Variants in RFX3 observed in about 807,000 individuals in gnomAD.
The protein encoded by RFX3 is regulatory factor X3, also known as transcription factor RFX3.
Under a neutral mutation model 98.6 loss-of-function variants are expected in RFX3, and 14 were observed. The observed-to-expected ratio is 0.14, with a 90% CI of 0.09 to 0.22. RFX3 has a LOEUF of 0.22. RFX3 is among the 10% of genes least tolerant of loss of function. The pLI is 1.00. For synonymous variants in RFX3, 383 were observed against 328.4 expected (o/e 1.17, Z -1.80); for missense variants, 639 against 926.9 (o/e 0.69, Z 4.03).
intron 2 of RFX3, among the ~76,000 whole-genome samples, chr9:3,353,867 G>A (rs2920385): frequency 0.033 from 5,008 of 152,048 alleles, 292 homozygotes; most frequent in African/African-American, 0.11. Flanking sequence ...AACAGACCTT[G>A]AAATGATAGA....
chr9:3,495,516 TTAA>T (rs1456393271), intron 1 of RFX3, among the ~76,000 whole-genome samples: 1 of 152,092 alleles, frequency 6.6e-6, no homozygotes, highest in African/African-American at 2.4e-5. Flanking sequence ...ATTAAATGGC[TTAA>T]TAATATGCAC....
intron 1 of RFX3, among the ~76,000 whole-genome samples, chr9:3,474,262 T>G (rs1465168699): frequency 2.0e-5 from 3 of 152,172 alleles, no homozygotes; most frequent in African/African-American, 7.2e-5. Context: ...ACAAAAACAG[T>G]CTATTTATAC....
At chr9:3,512,536 T>C (rs558156365) in intron 1 of RFX3, among the ~76,000 whole-genome samples, 12 of 151,904 alleles carry the variant, frequency 7.9e-5, no homozygotes, top group Non-Finnish European at 1.3e-4. Flanking sequence ...TATATTAATA[T>C]ATTACCTTGT....
intron 1 of RFX3, among the ~76,000 whole-genome samples, chr9:3,429,400 T>C (rs1844437482): frequency 6.7e-6 from 1 of 149,382 alleles, no homozygotes; most frequent in African/African-American, 2.4e-5. Context: ...TATATACCAA[T>C]ACTATATATA....
rs182500892 is a variant in RFX3 at position 3,338,493 on chromosome 9, C to T, written c.216-7976G>A. Among the ~76,000 whole-genome samples, 917 of 151,528 alleles carry T rather than the reference C, an allele frequency of 6.1e-3. 3 individuals are homozygous for T. Among genetic ancestry groups the T allele is most frequent in the Non-Finnish European group, 9.7e-3 (658 of 67,698 alleles). On this transcript the variant is annotated intron_variant, in intron 3 of 16. Coordinates refer to ENST00000617270, the MANE Select transcript of RFX3 (RefSeq NM_001282116.2). The stretch of plus-strand genomic sequence containing the variant: ...CATCCTATGATTATTTTGTAAGGAT[C>T]GGCACATCTTTACTTAGCATTTAAA...
At chr9:3,478,546 T>C (rs1849468591) in intron 1 of RFX3, among the ~76,000 whole-genome samples, 1 of 152,098 alleles carries the variant, frequency 6.6e-6, no homozygotes, top group South Asian at 2.1e-4. Flanking sequence ...CCTATATGTC[T>C]TCTACCTTTT....
chr9:3,501,366 G>C (rs1425063603), intron 1 of RFX3, among the ~76,000 whole-genome samples: 2 of 151,816 alleles, frequency 1.3e-5, no homozygotes, highest in South Asian at 2.1e-4. Context: ...TTACAGGTTA[G>C]AATACTTTTC....
At chr9:3,247,553 G>A (rs1460648452) in intron 15 of RFX3, 12 of 1,090,272 alleles carry the variant, frequency 1.1e-5, no homozygotes, top group Admixed American at 4.2e-5. Context: ...ACTGTGCCTC[G>A]CACATAGTAA....
chr9:3,233,347 T>C (rs1818731023), intron 15 of RFX3, among the ~76,000 whole-genome samples: 1 of 152,184 alleles, frequency 6.6e-6, no homozygotes, highest in Non-Finnish European at 1.5e-5. Flanking sequence ...CTGAGCATAC[T>C]GAGAGGAACC....
At position 3,223,168 on chromosome 9, in the gene RFX3, T is replaced by G. The variant is rs545125054; in HGVS notation, c.*1874A>C. On this transcript the variant is annotated 3_prime_UTR_variant, in exon 17 of 17. Transcript: ENST00000617270. ...AATCATTTTGTGCTTTCCTTTTTTT[T>G]GGCTTTATTATCTATTTATTTTTGC... 7.9e-5 allele frequency: 12 copies of G among 152,332 alleles called. No homozygotes were observed. Among genetic ancestry groups the G allele is most frequent in the Admixed American group, 7.2e-4 (11 of 15,282 alleles). 9.4% of individuals were successfully genotyped at this position (152,332 alleles called of 1,614,324 possible). A position where few individuals can be genotyped will look rare whatever the true frequency, so the allele number is the denominator to read the frequency against.
Position 3,334,452 on chromosome 9 carries a change from T to A in RFX3, c.216-3935A>T, listed in dbSNP as rs545801066. Among the ~76,000 whole-genome samples, 6 of 152,282 alleles carry A rather than the reference T, an allele frequency of 3.9e-5. No individual in the cohort carries two copies. In the South Asian group the frequency reaches 1.2e-3, roughly 32 times the overall value. ...AGCTTTTGGGCCTGCCCTCTTTGTA[T>A]CATTATACTCAGTAAAGAACAGTAA... On this transcript the variant is annotated intron_variant, in intron 3 of 16. Coordinates refer to ENST00000617270, the MANE Select transcript of RFX3 (RefSeq NM_001282116.2).
intron 2 of RFX3, among the ~76,000 whole-genome samples, chr9:3,348,764 C>G (rs1398867993): frequency 6.6e-6 from 1 of 151,634 alleles, no homozygotes; most frequent in Admixed American, 6.6e-5. Context: ...GATTTTCAAT[C>G]CTAGCAATCT....
chr9:3,478,572 A>G (rs1849470600), intron 1 of RFX3, among the ~76,000 whole-genome samples: 1 of 152,124 alleles, frequency 6.6e-6, no homozygotes, highest in African/African-American at 2.4e-5. Flanking sequence ...AGAAATCTTC[A>G]TGAGAAGTCA....
intron 14 of RFX3, among the ~76,000 whole-genome samples, chr9:3,249,199 C>T (rs1321706016): frequency 2.6e-5 from 4 of 152,040 alleles, no homozygotes; most frequent in South Asian, 4.1e-4. Context: ...AGACATCAGG[C>T]AAATGGAAAA....
chr9:3,252,049 T>C (rs886744155), intron 14 of RFX3, among the ~76,000 whole-genome samples: 11 of 152,184 alleles, frequency 7.2e-5, no homozygotes, highest in East Asian at 5.8e-4. Context: ...GGTTTCTCCA[T>C]GTTGGTCAGA....
chr9:3,483,598 T>C lies in RFX3; in HGVS notation c.-9+42149A>G, dbSNP rs562764578. On this transcript the variant is annotated intron_variant, in intron 1 of 16. Coordinates refer to ENST00000617270, the MANE Select transcript of RFX3 (RefSeq NM_001282116.2). The stretch of plus-strand genomic sequence containing the variant: ...TAGGGGAACTCTATAATCAGACACA[T>C]TGATACCTAAGATACTTATAAAAGC... 5.5e-4 allele frequency among the ~76,000 whole-genome samples: 84 copies of C among 152,260 alleles called. 2 individuals are homozygous for C. Among genetic ancestry groups the C allele is most frequent in the African/African-American group, 1.4e-3 (60 of 41,556 alleles).
At chr9:3,483,440 T>TA (rs990680694) in intron 1 of RFX3, among the ~76,000 whole-genome samples, 7 of 152,166 alleles carry the variant, frequency 4.6e-5, no homozygotes, top group Non-Finnish European at 8.8e-5. Flanking sequence ...ATTTGTTGAA[T>TA]AAAACCAATA....
At chr9:3,441,149 G>A (rs1268238836) in intron 1 of RFX3, among the ~76,000 whole-genome samples, 1 of 152,176 alleles carries the variant, frequency 6.6e-6, no homozygotes, top group Non-Finnish European at 1.5e-5. Flanking sequence ...GTACAACCAA[G>A]TAAATGGATG....
chr9:3,219,226 T>C lies in RFX3; in HGVS notation c.*5816A>G, dbSNP rs1033183433. ...TATTGGGTCATTTAAAATTGTTGTT[T>C]AGCAAGTTAAAACAAGGCGATCGTT... On this transcript the variant is annotated 3_prime_UTR_variant, in exon 17 of 17. Transcript: ENST00000617270. The C allele has an allele frequency of 2.6e-5, 4 of 152,194 alleles. No homozygotes were observed. The highest frequency in any genetic ancestry group is 9.7e-5 in the African/African-American group (4 of 41,446). 9.4% of individuals were successfully genotyped at this position (152,194 alleles called of 1,614,324 possible).
Sources: gnomAD v4.1 joint callset for allele counts (sites outside exome capture counted in the v4.1 genomes callset) on GRCh38, gnomAD v4.1.1 for gene constraint, MANE v1.5 for transcripts, NCBI Gene and HGNC (gene_info 2026-07-23, HGNC 2026-07-21) for gene names.